Variants in USP6 observed in about 807,000 individuals in gnomAD.
The protein encoded by USP6 is ubiquitin specific peptidase 6.
A neutral mutation model predicts 175.7 loss-of-function variants in USP6; 128 were observed. The ratio of observed to expected loss-of-function variants is 0.73; its 90% CI spans 0.63 to 0.84. The LOEUF is 0.84. Among genes scored for constraint, USP6 ranks in the 40% least tolerant of loss-of-function variants. The probability of loss-of-function intolerance (pLI) is 0.00; values close to 1 mark genes in which losing one functional copy is unlikely to be tolerated. For missense variants in USP6, 1,498 were observed against 1,760.3 expected (o/e 0.85, Z 2.67); for synonymous variants, 562 against 630.6 (o/e 0.89, Z 1.63).
chr17:5,133,646 G>GCCCCCCCCCCCCCCC, intron 14 of USP6, 96 bp downstream of exon 14: 1 of 966,346 alleles, frequency 1.0e-6, no homozygotes, highest in Non-Finnish European at 1.6e-6. Context: ...GGGTGGGGGG[G>GCCCCCCCCCCCCCCC]TGGGAGGGGA....
intron 17 of USP6, 23 bp from the exon 18 acceptor site, chr17:5,136,617 A>T (rs2073261600): frequency 1.9e-6 from 3 of 1,610,352 alleles, no homozygotes; most frequent in Non-Finnish European, 2.5e-6. Flanking sequence ...CTCTGATTTC[A>T]TGATGGGCTG....
Position 5,135,284 on chromosome 17 carries a change from T to G in USP6, c.543+2T>G, listed in dbSNP as rs370843955. On this transcript the variant is annotated splice_donor_variant, in intron 16 of 37. Transcript: ENST00000574788. LOFTEE classifies it high-confidence loss of function. Reference sequence around the variant, plus strand: ...CTGGCCTATTCGGAGTATAACCCGGTGAGTATTCCCGGCAGTGAGGTTCCC... The same window carrying G: ...CTGGCCTATTCGGAGTATAACCCGGGGAGTATTCCCGGCAGTGAGGTTCCC... 1.6e-5 allele frequency: 26 copies of G among 1,612,542 alleles called. No homozygotes were observed. The highest frequency in any genetic ancestry group is 2.1e-5 in the Non-Finnish European group (25 of 1,178,970).
chr17:5,163,563 C>T (rs1567811129), intron 33 of USP6, among the ~76,000 whole-genome samples: 1 of 152,194 alleles, frequency 6.6e-6, no homozygotes. Flanking sequence ...CCTAACAACG[C>T]CACATTGGGA....
intron 30 of USP6, among the ~76,000 whole-genome samples, chr17:5,150,304 AAATAAAT>A (rs1218784942): frequency 1.4e-5 from 2 of 140,634 alleles, no homozygotes; most frequent in African/African-American, 5.1e-5. Context: ...AAAAATAAAT[AAATAAAT>A]AAATAAATAA....
rs1158901773 is a variant in USP6, at chr17:5,142,052, C to T, written c.1623C>T (p.Cys541=). The T allele has an allele frequency of 7.4e-6, 12 of 1,613,766 alleles. No homozygotes were observed. The highest frequency in any genetic ancestry group is 2.2e-5 in the East Asian group (1 of 44,892). ...GTCTAAGCAACCTGGGAAACACATG[C>T]TTCATGAACTCAAGCATCCAGTGCG... ...ATGLSNLGNT[C]FMNSSIQCVS... The change falls in exon 24 of 38, where the codon TGC becomes TGT. Residue 541 remains cysteine, a synonymous_variant. Transcript: ENST00000574788.
chr17:5,146,109 A>G lies in USP6; in HGVS notation c.2254A>G (p.Arg752Gly). 1 of 1,613,300 alleles carries G rather than the reference A, an allele frequency of 6.2e-7. No individual in the cohort carries two copies. ...EKYTGLKKQL[R>G]DLCGLNSEQI... ...GTACACAGGTTTAAAAAAACAGCTG[A>G]GGGATCTCTGTGGACTTAATTCAGA... The change falls in exon 28 of 38, where the codon AGG (arginine) becomes GGG (glycine). Residue 752 changes from arginine to glycine, a missense_variant. Transcript: ENST00000574788.
chr17:5,141,627 T>C lies in USP6; in HGVS notation c.1573+128T>C, dbSNP rs547525161. The stretch of plus-strand genomic sequence containing the variant: ...GTAATTAGGGCCCTTCTTTTTCTTT[T>C]TTCCTGAAGCAGCATTTGATGTTGG... On this transcript the variant is annotated intron_variant, in intron 23 of 37. Coordinates refer to ENST00000574788, the MANE Select transcript of USP6 (RefSeq NM_001304284.2). 4.9e-6 allele frequency: 4 copies of C among 809,398 alleles called. No individual in the cohort carries two copies. In the African/African-American group the frequency reaches 5.5e-5, roughly 11 times the overall value. 50.1% of individuals were successfully genotyped at this position (809,398 alleles called of 1,614,324 possible).
rs2073107367 is a variant in USP6, at chr17:5,132,579, C to T, written c.195+144C>T. 8 of 1,484,474 alleles carry T rather than the reference C, an allele frequency of 5.4e-6. No individual in the cohort carries two copies. In the East Asian group the frequency reaches 1.6e-4, roughly 29 times the overall value. The allele number at this position is 1,484,474 out of a possible 1,614,324, so 92.0% of individuals were successfully genotyped here. ...GGGAGGGGCAGCAGAGACCTGACCCCAAGTTGCTGTAACTTTGGCAGTTTG... is the reference window on the plus strand; with the variant it reads ...GGGAGGGGCAGCAGAGACCTGACCCTAAGTTGCTGTAACTTTGGCAGTTTG... On this transcript the variant is annotated intron_variant, in intron 12 of 37. Transcript: ENST00000574788. The surrounding 1 kb of genome is among the most constrained non-coding windows in gnomAD (Gnocchi z 4.7).
chr17:5,121,422 G>C lies in USP6; in HGVS notation c.-1627G>C, dbSNP rs1353712102. The C allele has an allele frequency of 3.1e-6, 1 of 320,734 alleles. No homozygotes were observed. Among genetic ancestry groups the C allele is most frequent in the African/African-American group, 2.2e-5 (1 of 46,254 alleles). The allele number at this position is 320,734 out of a possible 1,614,324, so 19.9% of individuals were successfully genotyped here. ...TGGCCACCAACACAGAGGCCCTGCAGAGCGGCAGGATAGAGATATGGAGCT... is the reference window on the plus strand; with the variant it reads ...TGGCCACCAACACAGAGGCCCTGCACAGCGGCAGGATAGAGATATGGAGCT... On this transcript the variant is annotated 5_prime_UTR_variant, in exon 4 of 38. Coordinates refer to ENST00000574788, the MANE Select transcript of USP6 (RefSeq NM_001304284.2).
chr17:5,148,655 T>C lies in USP6; in HGVS notation c.2531T>C (p.Val844Ala), dbSNP rs774288834. ...ATCCCCAATGGAATGCCAAACACTG[T>C]TGTGCCATGTGGAACTGAGAAGAAC... ...IFIPNGMPNTVVPCGTEKNFT... is the reference protein window; with the variant it reads ...IFIPNGMPNTAVPCGTEKNFT... Residue 844 changes from valine to alanine, a missense_variant, in exon 30 of 38, where the codon GTT (valine) becomes GCT (alanine). By Grantham distance (64) the Val-to-Ala change is moderately conservative (BLOSUM62 0). Around this residue, in one of 2 missense-constraint regions of USP6, gnomAD observed 1,217 missense variants for 1,500.8 expected, o/e 0.81. Coordinates refer to ENST00000574788, the MANE Select transcript of USP6 (RefSeq NM_001304284.2). The C allele has an allele frequency of 6.2e-7, 1 of 1,613,978 alleles. No homozygotes were observed.
At position 5,173,917 on chromosome 17, in the gene USP6, T is replaced by G; in HGVS notation, c.*939T>G. The G allele has an allele frequency of 4.5e-6, 1 of 220,686 alleles. No homozygotes were observed. 13.7% of individuals were successfully genotyped at this position (220,686 alleles called of 1,614,324 possible). A position where few individuals can be genotyped will look rare whatever the true frequency, so the allele number is the denominator to read the frequency against. On this transcript the variant is annotated 3_prime_UTR_variant, in exon 38 of 38. Coordinates refer to ENST00000574788, the MANE Select transcript of USP6 (RefSeq NM_001304284.2). The stretch of plus-strand genomic sequence containing the variant: ...AATTAGTGGTTATTCTTTTCTGTGT[T>G]TGTTTTGCACTTTAAAAAAGAGAGA...
At chr17:5,170,273 A>G (rs2074184168) in intron 35 of USP6, among the ~76,000 whole-genome samples, 1 of 152,182 alleles carries the variant, frequency 6.6e-6, no homozygotes, top group South Asian at 2.1e-4. Context: ...TTTTCAGGAC[A>G]TTGTTGCTTA....
intron 10 of USP6, 72 bp downstream of exon 10, chr17:5,130,511 A>G (rs199676323): frequency 4.4e-6 from 7 of 1,605,502 alleles, no homozygotes; most frequent in Non-Finnish European, 5.1e-6. Flanking sequence ...TGGGTTCCCT[A>G]GGAGCACAGG....
At chr17:5,137,862 G>T in intron 20 of USP6, 112 bp downstream of exon 20, 1 of 1,583,150 alleles carries the variant, frequency 6.3e-7, no homozygotes, top group South Asian at 1.1e-5. Flanking sequence ...GGCCCAGAGG[G>T]AGGTCTGGCC....
chr17:5,138,341 G>T, intron 21 of USP6, 68 bp downstream of exon 21: 3 of 1,604,598 alleles, frequency 1.9e-6, no homozygotes, highest in East Asian at 4.5e-5. Context: ...CGGGTGCCCC[G>T]GACCAGCAAC....
intron 30 of USP6, among the ~76,000 whole-genome samples, chr17:5,150,968 ATG>A (rs1567801591): frequency 6.6e-6 from 1 of 152,062 alleles, no homozygotes; most frequent in Non-Finnish European, 1.5e-5. Context: ...GCCTCTTCAC[ATG>A]GCCTTCTCCT....
chr17:5,120,432 G>A (rs1218379658), intron 2 of USP6, among the ~76,000 whole-genome samples, 195 bp from the exon 3 acceptor site: 1 of 152,144 alleles, frequency 6.6e-6, no homozygotes, highest in African/African-American at 2.4e-5. Context: ...GGAGGTTGCT[G>A]ATATTCATAG....
At chr17:5,161,122 A>G (rs1183849282) in intron 31 of USP6, among the ~76,000 whole-genome samples, 1 of 152,290 alleles carries the variant, frequency 6.6e-6, no homozygotes, top group Non-Finnish European at 1.5e-5. Context: ...ATTAAAGAAG[A>G]CTTCTAAATA....
At chr17:5,171,104 T>C (rs2074208069) in intron 36 of USP6, among the ~76,000 whole-genome samples, 189 bp downstream of exon 36, 2 of 152,108 alleles carry the variant, frequency 1.3e-5, no homozygotes, top group Admixed American at 1.3e-4. Context: ...ATCCCAGCAC[T>C]TTAGAAGGCT....
Sources: allele counts gnomAD v4.1 joint callset (sites outside exome capture counted in the v4.1 genomes callset), GRCh38; gene constraint gnomAD v4.1.1; regional missense constraint gnomAD v4.1.1; non-coding constraint Gnocchi (gnomAD v3.1); transcripts MANE v1.5; gene names NCBI Gene and HGNC (gene_info 2026-07-23, HGNC 2026-07-21).